Variants in THSD7B observed in about 807,000 individuals in gnomAD.
The protein encoded by THSD7B is thrombospondin type-1 domain-containing protein 7B.
Under a neutral mutation model 213.6 loss-of-function variants are expected in THSD7B, and 138 were observed. The ratio of observed to expected loss-of-function variants is 0.65; its 90% confidence interval spans 0.56 to 0.74. The LOEUF is 0.74. Among genes scored for constraint, THSD7B ranks in the 30% least tolerant of loss-of-function variants. The pLI is 0.00. For missense variants in THSD7B, 1,931 were observed against 1,991.5 expected, an observed-to-expected ratio of 0.97 and a Z score of 0.58; for synonymous variants, 742 against 687.0, an observed-to-expected ratio of 1.08 and a Z score of -1.25.
At chr2:136,769,551 T>C (rs1386114565) in intron 1 of THSD7B, among the ~76,000 whole-genome samples, 1 of 151,498 alleles carries the variant, frequency 6.6e-6, no homozygotes, top group Non-Finnish European at 1.5e-5. Context: ...GCGTGGTTTG[T>C]AAGCTGAACA....
chr2:137,533,332 G>A lies in THSD7B; in HGVS notation c.3139-29889G>A, dbSNP rs57618303. ...GAGTAAATCCTGTTATTTCTACTCT[G>A]GTTAAATCTCTCCTCTCTATAATTA... On this transcript the variant is annotated intron_variant, in intron 15 of 27. Transcript: ENST00000409968. Among the ~76,000 whole-genome samples the A allele has an allele frequency of 4.0e-3, 609 of 151,724 alleles. 10 individuals are homozygous for A. The highest frequency in any genetic ancestry group is 0.014 in the African/African-American group (577 of 41,454).
intron 3 of THSD7B, among the ~76,000 whole-genome samples, chr2:137,072,147 G>A (rs915825625): frequency 2.0e-5 from 3 of 152,158 alleles, no homozygotes; most frequent in Non-Finnish European, 4.4e-5. Flanking sequence ...TGTGAAGAAA[G>A]TCATTGGTAG....
chr2:137,366,978 A>G (rs892026167), intron 12 of THSD7B, among the ~76,000 whole-genome samples: 1 of 152,140 alleles, frequency 6.6e-6, no homozygotes, highest in African/African-American at 2.4e-5. Flanking sequence ...TTCCGTATTT[A>G]CTTCCAAAGT....
intron 3 of THSD7B, among the ~76,000 whole-genome samples, chr2:137,064,055 G>C (rs1687330351): frequency 6.6e-6 from 1 of 152,114 alleles, no homozygotes; most frequent in African/African-American, 2.4e-5. Context: ...TAGTACGGTA[G>C]CTCTATTTTT....
intron 12 of THSD7B, among the ~76,000 whole-genome samples, chr2:137,359,364 A>G (rs1283696067): frequency 6.6e-6 from 1 of 152,232 alleles, no homozygotes; most frequent in Non-Finnish European, 1.5e-5. Context: ...CAGAAAGACC[A>G]GCTTTATCTT....
chr2:137,228,724 A>G lies in THSD7B; in HGVS notation c.1724-2320A>G, dbSNP rs185750594. Among the ~76,000 whole-genome samples the G allele has an allele frequency of 4.2e-3, 633 of 152,232 alleles. 2 individuals carry two copies. The highest frequency in any genetic ancestry group is 6.6e-3 in the Non-Finnish European group (446 of 68,004). ...AACCATGCCAATCCACTGAATCACT[A>G]AAATATTTTGTGTTTGAATCACGCA... On this transcript the variant is annotated intron_variant, in intron 7 of 27. Transcript: ENST00000409968.
chr2:137,336,116 A>C (rs1558762201), intron 12 of THSD7B, among the ~76,000 whole-genome samples: 1 of 151,392 alleles, frequency 6.6e-6, no homozygotes, highest in African/African-American at 2.4e-5. Flanking sequence ...CACAATTAAC[A>C]GTACTAAAGT....
intron 5 of THSD7B, among the ~76,000 whole-genome samples, chr2:137,155,181 C>T (rs1334586163): frequency 6.6e-6 from 1 of 152,128 alleles, no homozygotes; most frequent in Non-Finnish European, 1.5e-5. Context: ...GTTATTTTGA[C>T]TCTTTAACAT....
At chr2:137,389,402 ATTTTTTTTTTTTTT>A (rs70978214) in intron 12 of THSD7B, among the ~76,000 whole-genome samples, 1 of 38,052 alleles carries the variant, frequency 2.6e-5, no homozygotes, top group Admixed American at 4.4e-4. Context: ...TCTTAATGTG[ATTTTTTTTTTTTTT>A]TTTTTTTTTT....
intron 15 of THSD7B, among the ~76,000 whole-genome samples, chr2:137,525,910 C>T (rs936771686): frequency 2.0e-5 from 3 of 152,108 alleles, no homozygotes; most frequent in Non-Finnish European, 4.4e-5. Flanking sequence ...TCACCCAGCC[C>T]TTGTCACAGT....
At chr2:137,527,357 G>C (rs1240671424) in intron 15 of THSD7B, among the ~76,000 whole-genome samples, 2 of 152,032 alleles carry the variant, frequency 1.3e-5, no homozygotes, top group Non-Finnish European at 2.9e-5. Context: ...TTTCCTGCTA[G>C]AATAAATTTT....
At chr2:137,511,663 G>T (rs1679963537) in intron 15 of THSD7B, among the ~76,000 whole-genome samples, 1 of 152,116 alleles carries the variant, frequency 6.6e-6, no homozygotes, top group Admixed American at 6.5e-5. Context: ...CTGGCCCCAT[G>T]CAGTAAGGCT....
At chr2:137,483,255 G>A (rs1688347854) in intron 15 of THSD7B, among the ~76,000 whole-genome samples, 2 of 152,192 alleles carry the variant, frequency 1.3e-5, no homozygotes, top group Non-Finnish European at 2.9e-5. Context: ...CTGTGAGGAA[G>A]GTACTACTAT....
intron 2 of THSD7B, among the ~76,000 whole-genome samples, chr2:137,035,145 T>C (rs1686752065): frequency 6.6e-6 from 1 of 152,188 alleles, no homozygotes; most frequent in Non-Finnish European, 1.5e-5. Context: ...CTTTGAACTT[T>C]ATCGTTTCCC....
At chr2:137,674,405 C>T (rs770412715) in intron 27 of THSD7B, among the ~76,000 whole-genome samples, 21 of 152,158 alleles carry the variant, frequency 1.4e-4, no homozygotes, top group Non-Finnish European at 2.9e-4. Context: ...AGACAACCCA[C>T]CCCATCACCA....
At chr2:136,998,481 G>C (rs1055455869) in intron 2 of THSD7B, among the ~76,000 whole-genome samples, 1 of 152,060 alleles carries the variant, frequency 6.6e-6, no homozygotes, top group Non-Finnish European at 1.5e-5. Context: ...TGGGAGGAAG[G>C]GGTGGGCACT....
intron 2 of THSD7B, among the ~76,000 whole-genome samples, chr2:136,907,687 A>G (rs1344754003): frequency 6.6e-6 from 1 of 152,218 alleles, no homozygotes; most frequent in Non-Finnish European, 1.5e-5. Flanking sequence ...AAAATCTACA[A>G]AGTCTGAGAA....
At chr2:137,499,643 C>T (rs112948275) in intron 15 of THSD7B, among the ~76,000 whole-genome samples, 16 of 152,234 alleles carry the variant, frequency 1.1e-4, no homozygotes, top group Admixed American at 3.9e-4. Context: ...TAAAAAGCAT[C>T]GAATTGCTTA....
intron 20 of THSD7B, among the ~76,000 whole-genome samples, chr2:137,627,325 GC>G (rs1394215576): frequency 6.6e-6 from 1 of 152,162 alleles, no homozygotes; most frequent in Non-Finnish European, 1.5e-5. Context: ...ATGTTGACAT[GC>G]CTTTTGGTGG....
Sources: gnomAD v4.1 joint callset for allele counts (sites outside exome capture counted in the v4.1 genomes callset) on GRCh38, gnomAD v4.1.1 for gene constraint, MANE v1.5 for transcripts, NCBI Gene and HGNC (gene_info 2026-07-23, HGNC 2026-07-21) for gene names.